Variants in B3GALT1 observed in about 807,000 individuals in gnomAD.
B3GALT1 encodes beta-1,3-galactosyltransferase 1, also known as UDP-Gal:betaGlcNAc beta 1,3-galactosyltransferase, polypeptide 1.
A neutral mutation model predicts 23.2 loss-of-function variants in B3GALT1; 10 were observed. That is an observed-to-expected ratio of 0.43 (90% CI 0.27 to 0.73). The LOEUF is 0.73. B3GALT1 is among the 30% of genes least tolerant of loss of function. B3GALT1 has a pLI of 0.21. For synonymous variants in B3GALT1, 156 were observed against 141.5 expected (o/e 1.10, Z -0.73); for missense variants, 299 against 405.4 (o/e 0.74, Z 2.25).
chr2:167,561,558 G>A (rs1683989158), intron 2 of B3GALT1, among the ~76,000 whole-genome samples: 1 of 151,972 alleles, frequency 6.6e-6, no homozygotes, highest in Non-Finnish European at 1.5e-5. Context: ...TAGACCGCTA[G>A]CAAGACTAAT....
intron 4 of B3GALT1, among the ~76,000 whole-genome samples, chr2:167,854,121 C>A (rs978855315): frequency 2.0e-5 from 3 of 152,098 alleles, no homozygotes; most frequent in Non-Finnish European, 4.4e-5. Context: ...GCCAAAATGA[C>A]CAGCAATTAA....
At chr2:167,428,099 C>A (rs1698651369) in intron 1 of B3GALT1, among the ~76,000 whole-genome samples, 1 of 152,082 alleles carries the variant, frequency 6.6e-6, no homozygotes, top group Non-Finnish European at 1.5e-5. Flanking sequence ...GTTATCGAGC[C>A]ACACATAAAT....
intron 2 of B3GALT1, among the ~76,000 whole-genome samples, chr2:167,518,515 A>G (rs1012445730): frequency 5.9e-5 from 9 of 152,330 alleles, no homozygotes; most frequent in African/African-American, 2.2e-4. Context: ...CTGAATACTG[A>G]ATATTTGCTC....
At chr2:167,405,435 A>G (rs1412249181) in intron 1 of B3GALT1, among the ~76,000 whole-genome samples, 2 of 152,136 alleles carry the variant, frequency 1.3e-5, no homozygotes, top group Non-Finnish European at 2.9e-5. Context: ...TCCAAATGCT[A>G]TTCTTCTTAT....
intron 4 of B3GALT1, among the ~76,000 whole-genome samples, chr2:167,834,927 A>G (rs1003188271): frequency 2.0e-5 from 3 of 152,282 alleles, no homozygotes; most frequent in African/African-American, 2.4e-5. Context: ...TGACATTTTT[A>G]TGCAAGCTAA....
At chr2:167,699,554 A>T (rs1574219795) in intron 3 of B3GALT1, among the ~76,000 whole-genome samples, 1 of 152,090 alleles carries the variant, frequency 6.6e-6, no homozygotes, top group Admixed American at 6.6e-5. Flanking sequence ...GTATGTATTT[A>T]GTCTCCTACA....
intron 2 of B3GALT1, among the ~76,000 whole-genome samples, chr2:167,522,005 T>TACAC (rs1553464226): frequency 1.4e-5 from 2 of 144,972 alleles, no homozygotes; most frequent in African/African-American, 5.0e-5. Context: ...TATATATATA[T>TACAC]ACACATATAT....
chr2:167,594,415 G>A (rs13400955), intron 2 of B3GALT1, among the ~76,000 whole-genome samples: 2,951 of 152,226 alleles, frequency 0.019, 93 homozygotes, highest in African/African-American at 0.061. Flanking sequence ...CTAAAATACT[G>A]TATCACCATA....
At chr2:167,360,729 C>T (rs1173729649) in intron 1 of B3GALT1, among the ~76,000 whole-genome samples, 3 of 151,966 alleles carry the variant, frequency 2.0e-5, no homozygotes. Context: ...CATTATAGTT[C>T]TTCCTTTCTA....
At chr2:167,717,484 GT>G (rs35510735) in intron 3 of B3GALT1, among the ~76,000 whole-genome samples, 75,015 of 150,398 alleles carry the variant, frequency 0.5, 19,037 homozygotes, top group East Asian at 0.72. Flanking sequence ...GTTATACATA[GT>G]TTTTTTTTTA....
At chr2:167,550,182 A>G (rs972096635) in intron 2 of B3GALT1, among the ~76,000 whole-genome samples, 4 of 152,242 alleles carry the variant, frequency 2.6e-5, no homozygotes, top group African/African-American at 9.6e-5. Context: ...GAGAAAGCAG[A>G]TGGAATATGC....
intron 3 of B3GALT1, among the ~76,000 whole-genome samples, chr2:167,654,508 T>TC (rs944572489): frequency 2.0e-4 from 31 of 151,662 alleles, no homozygotes; most frequent in Non-Finnish European, 3.8e-4. Flanking sequence ...TCTCTCTCTT[T>TC]CTTTTTTTTG....
chr2:167,377,688 G>A (rs1383845706), intron 1 of B3GALT1, among the ~76,000 whole-genome samples: 1 of 151,850 alleles, frequency 6.6e-6, no homozygotes, highest in Non-Finnish European at 1.5e-5. Context: ...TCTTTCTCCA[G>A]CCCTTTACTT....
Position 167,303,684 on chromosome 2 carries a change from G to C in B3GALT1, c.-511+10350G>C, listed in dbSNP as rs377154537. On this transcript the variant is annotated intron_variant, in intron 1 of 4. Coordinates refer to ENST00000392690, the MANE Select transcript of B3GALT1 (RefSeq NM_020981.4). ...ACACACACACACACACACACACACA[G>C]AGAGAGACCTTGTTGCTGCCATTTT... is the stretch of plus-strand genomic sequence containing the variant. Among the ~76,000 whole-genome samples the C allele has an allele frequency of 2.2e-3, 290 of 131,436 alleles. 2 individuals carry two copies. Among genetic ancestry groups the C allele is most frequent in the African/African-American group, 7.7e-3 (278 of 36,112 alleles). 86.2% of individuals were successfully genotyped at this position (131,436 alleles called of 152,430 possible). A position where few individuals can be genotyped will look rare whatever the true frequency, so the allele number is the denominator to read the frequency against.
At chr2:167,433,363 A>T (rs1698732791) in intron 1 of B3GALT1, among the ~76,000 whole-genome samples, 1 of 152,200 alleles carries the variant, frequency 6.6e-6, no homozygotes, top group African/African-American at 2.4e-5. Context: ...AGTTGCTTCC[A>T]CATTTTGGCA....
At position 167,620,618 on chromosome 2, in the gene B3GALT1, C is replaced by T. The variant is rs1685238125; in HGVS notation, c.-409-26291C>T. On this transcript the variant is annotated intron_variant, in intron 2 of 4. Coordinates refer to ENST00000392690, the MANE Select transcript of B3GALT1 (RefSeq NM_020981.4). ...ATGTGCCCAAAACTTGTGGCACTTT[C>T]ACAGTCACAGAGTGGTGAAAAATTT... Among the ~76,000 whole-genome samples, 3 of 152,082 alleles carry T rather than the reference C, an allele frequency of 2.0e-5. No individual in the cohort carries two copies. In the South Asian group the frequency reaches 6.2e-4, roughly 32 times the overall value.
chr2:167,610,600 T>C (rs1685042360), intron 2 of B3GALT1, among the ~76,000 whole-genome samples: 1 of 151,984 alleles, frequency 6.6e-6, no homozygotes, highest in African/African-American at 2.4e-5. Flanking sequence ...AAAATATTTA[T>C]TCTAATGGCA....
intron 1 of B3GALT1, among the ~76,000 whole-genome samples, chr2:167,369,434 C>T (rs1436799150): frequency 6.6e-6 from 1 of 152,010 alleles, no homozygotes; most frequent in East Asian, 1.9e-4. Flanking sequence ...AGAGGTTTTT[C>T]AGGAAAGGGT....
chr2:167,363,958 A>T (rs1349655453), intron 1 of B3GALT1, among the ~76,000 whole-genome samples: 4 of 152,108 alleles, frequency 2.6e-5, no homozygotes, highest in African/African-American at 4.8e-5. Flanking sequence ...CAGGAGTTCA[A>T]GACCAGCCTG....
Sources: allele counts gnomAD v4.1 joint callset (sites outside exome capture counted in the v4.1 genomes callset), GRCh38; gene constraint gnomAD v4.1.1; transcripts MANE v1.5; gene names NCBI Gene and HGNC (gene_info 2026-07-23, HGNC 2026-07-21).